GRID2: variants seen among roughly 807,000 people sequenced by gnomAD.
The protein encoded by GRID2 is glutamate ionotropic receptor delta type subunit 2, also known as glutamate receptor ionotropic, delta-2.
A neutral mutation model predicts 114.8 loss-of-function variants in GRID2; 33 were observed. That is an observed-to-expected ratio of 0.29 (90% CI 0.22 to 0.38). The LOEUF (loss-of-function observed/expected upper bound fraction) is 0.38, where lower values mean the gene tolerates loss of function less well. Among genes scored for constraint, GRID2 ranks in the 10% least tolerant of loss-of-function variants. The pLI is 1.00. For missense variants in GRID2, 1,184 were observed against 1,257.7 expected, an observed-to-expected ratio of 0.94 and a Z score of 0.89; for synonymous variants, 505 against 449.9, an observed-to-expected ratio of 1.12 and a Z score of -1.55.
chr4:92,304,671 C>A lies in GRID2; in HGVS notation c.15C>A (p.Pro5=). The A allele has an allele frequency of 6.2e-7, 1 of 1,612,770 alleles. No homozygotes were observed. Among genetic ancestry groups the A allele is most frequent in the African/African-American group, 1.3e-5 (1 of 74,994 alleles). Residue 5 remains proline, a synonymous_variant, in exon 1 of 16, where the codon CCC becomes CCA. Transcript: ENST00000282020. ...CATAGGAGGAGATGGAAGTTTTCCC[C>A]TTTCTCTTGGTTTTGTCCGTCTGGT... MEVF[P]FLLVLSVWWS...
chr4:92,354,834 G>T (rs1008305415), intron 1 of GRID2, among the ~76,000 whole-genome samples: 13 of 152,044 alleles, frequency 8.6e-5, no homozygotes, highest in Middle Eastern at 3.4e-3. Context: ...ATGGAGATGA[G>T]AAATCTTAAG....
At position 93,596,880 on chromosome 4, in the gene GRID2, T is replaced by C. The variant is rs187635853; in HGVS notation, c.2194-29389T>C. ...TATAATTGATTTAATACGGATCTGG[T>C]TTATGGCTGGTGTATTTAATTTCAA... On this transcript the variant is annotated intron_variant, in intron 13 of 15. Coordinates refer to ENST00000282020, the MANE Select transcript of GRID2 (RefSeq NM_001510.4). Among the ~76,000 whole-genome samples the C allele has an allele frequency of 5.1e-4, 77 of 152,336 alleles. No individual in the cohort carries two copies. The East Asian group carries it at 0.014, about 29-fold the overall frequency.
intron 2 of GRID2, among the ~76,000 whole-genome samples, chr4:93,023,501 A>G (rs1215135341): frequency 6.6e-6 from 1 of 151,948 alleles, no homozygotes; most frequent in East Asian, 1.9e-4. Flanking sequence ...GACAGCACAC[A>G]GGAAATTCTA....
chr4:92,664,008 T>G (rs1262450977), intron 2 of GRID2, among the ~76,000 whole-genome samples: 2 of 151,236 alleles, frequency 1.3e-5, no homozygotes, highest in Non-Finnish European at 3.0e-5. Flanking sequence ...ATCCTCCATT[T>G]TACTTATCTT....
intron 14 of GRID2, among the ~76,000 whole-genome samples, chr4:93,652,483 T>TA (rs1722663875): frequency 6.6e-6 from 1 of 152,098 alleles, no homozygotes; most frequent in South Asian, 2.1e-4. Context: ...ATCATTGTGT[T>TA]ACAATTGCCC....
chr4:93,256,249 T>G (rs746383100), intron 8 of GRID2, among the ~76,000 whole-genome samples: 3 of 152,106 alleles, frequency 2.0e-5, no homozygotes, highest in Non-Finnish European at 2.9e-5. Context: ...TTTAACTTAC[T>G]GAGGACTTCA....
At chr4:92,404,709 A>C (rs1252626046) in intron 1 of GRID2, among the ~76,000 whole-genome samples, 6 of 152,120 alleles carry the variant, frequency 3.9e-5, no homozygotes, top group Admixed American at 1.3e-4. Context: ...ATAAAAAGGA[A>C]ACAAGATCAT....
At chr4:93,571,212 G>C (rs1203092717) in intron 13 of GRID2, among the ~76,000 whole-genome samples, 1 of 151,906 alleles carries the variant, frequency 6.6e-6, no homozygotes, top group Non-Finnish European at 1.5e-5. Flanking sequence ...CAGGGGTGAA[G>C]GTCCTAAAAA....
intron 8 of GRID2, among the ~76,000 whole-genome samples, chr4:93,244,537 C>CTATTAATTAATAGATTATATAATA (rs1747951701): frequency 3.3e-5 from 1 of 29,898 alleles, no homozygotes; most frequent in Non-Finnish European, 6.7e-5. Flanking sequence ...ATTATATAAT[C>CTATTAATTAATAGATTATATAATA]TATTAATTAA....
intron 14 of GRID2, among the ~76,000 whole-genome samples, chr4:93,672,072 C>A (rs1414623908): frequency 2.0e-5 from 3 of 152,200 alleles, no homozygotes; most frequent in Non-Finnish European, 4.4e-5. Flanking sequence ...TATTTCAAGT[C>A]CCCTTTCTGA....
chr4:93,681,487 A>G (rs1725531555), intron 14 of GRID2, among the ~76,000 whole-genome samples: 1 of 151,660 alleles, frequency 6.6e-6, no homozygotes. Context: ...TCCTAAGCCA[A>G]AAGAACAAAG....
chr4:93,076,061 G>A (rs898780512), intron 2 of GRID2, among the ~76,000 whole-genome samples: 2 of 151,308 alleles, frequency 1.3e-5, no homozygotes, highest in Non-Finnish European at 2.9e-5. Context: ...CCGCCACCAC[G>A]CCAGCTAATT....
intron 2 of GRID2, among the ~76,000 whole-genome samples, chr4:93,066,587 T>C (rs950325788): frequency 1.3e-5 from 2 of 152,034 alleles, no homozygotes; most frequent in Non-Finnish European, 2.9e-5. Flanking sequence ...AGCCTATATG[T>C]ACTATGTACA....
intron 2 of GRID2, among the ~76,000 whole-genome samples, chr4:93,030,908 C>G (rs1009163970): frequency 2.0e-5 from 3 of 151,558 alleles, no homozygotes; most frequent in Admixed American, 2.0e-4. Flanking sequence ...AAACAAATCT[C>G]AAAGCTATTT....
intron 2 of GRID2, among the ~76,000 whole-genome samples, chr4:92,805,629 C>T (rs1199875796): frequency 2.6e-5 from 4 of 151,882 alleles, no homozygotes; most frequent in South Asian, 2.1e-4. Flanking sequence ...TCCTATTATA[C>T]GGTGTTTAAA....
intron 9 of GRID2, among the ~76,000 whole-genome samples, chr4:93,416,861 T>A (rs186618371): frequency 2.6e-5 from 4 of 152,118 alleles, no homozygotes; most frequent in Non-Finnish European, 1.5e-5. Flanking sequence ...CACCCTTTTC[T>A]ACAAGCAGGT....
At chr4:93,627,684 G>A (rs1228888483) in intron 14 of GRID2, among the ~76,000 whole-genome samples, 2 of 152,190 alleles carry the variant, frequency 1.3e-5, no homozygotes, top group Admixed American at 6.5e-5. Context: ...GACCTAACAG[G>A]GACATGCTGT....
chr4:93,753,422 C>A (rs574769137), intron 14 of GRID2, among the ~76,000 whole-genome samples: 1 of 152,064 alleles, frequency 6.6e-6, no homozygotes, highest in Non-Finnish European at 1.5e-5. Flanking sequence ...TATACATGTG[C>A]CATGTTGGTG....
At chr4:93,718,347 C>T (rs1336653783) in intron 14 of GRID2, among the ~76,000 whole-genome samples, 1 of 152,142 alleles carries the variant, frequency 6.6e-6, no homozygotes, top group Non-Finnish European at 1.5e-5. Context: ...GCTTGAGCAA[C>T]TGCTCAGTCA....
Sources: gnomAD v4.1 joint callset for allele counts (sites outside exome capture counted in the v4.1 genomes callset) on GRCh38, gnomAD v4.1.1 for gene constraint, MANE v1.5 for transcripts, NCBI Gene and HGNC (gene_info 2026-07-23, HGNC 2026-07-21) for gene names.